Variants in ALPK2 observed in about 807,000 individuals in gnomAD.
ALPK2 encodes the protein alpha kinase 2, also known as alpha-protein kinase 2.
ALPK2 carries 127 observed loss-of-function variants against 163.1 expected under a neutral mutation model. The ratio of observed to expected loss-of-function variants is 0.78; its 90% CI spans 0.67 to 0.90. ALPK2 has a LOEUF of 0.90. Among genes scored for constraint, ALPK2 ranks in the 40% least tolerant of loss-of-function variants. The pLI, the probability that ALPK2 is intolerant of heterozygous loss-of-function variation, is 0.00. For missense variants in ALPK2, 2,360 were observed against 2,589.6 expected (o/e 0.91, Z 1.92); for synonymous variants, 953 against 959.1 (o/e 0.99, Z 0.12).
rs34304827 is a variant in ALPK2 at position 58,517,172 on chromosome 18, C to A, written c.5676G>T (p.Glu1892Asp). The A allele has an allele frequency of 3.4e-4, 541 of 1,613,896 alleles. 3 individuals are homozygous for A. In the African/African-American group the frequency reaches 6.5e-3, roughly 19 times the overall value. The stretch of plus-strand genomic sequence containing the variant: ...TGAAGATGAGTTGGCTGAATTCAAT[C>A]TCTTCACATCCTGAAACACAGCACA... ...SSRQDTKGCE[E>D]IEFSQLIFKE... Residue 1892 changes from glutamate (E) to aspartate (D), a missense_variant, in exon 9 of 13, where the codon GAG becomes GAT. Transcript: ENST00000361673.
intron 6 of ALPK2, among the ~76,000 whole-genome samples, 185 bp from the exon 7 acceptor site, chr18:58,524,247 AC>A (rs2051572466): frequency 6.6e-6 from 1 of 152,256 alleles, no homozygotes; most frequent in South Asian, 2.1e-4. Context: ...GAGAGTCATT[AC>A]ATTTTGGCTA....
At chr18:58,588,564 C>T (rs958053156) in intron 3 of ALPK2, among the ~76,000 whole-genome samples, 1 of 152,142 alleles carries the variant, frequency 6.6e-6, no homozygotes, top group Non-Finnish European at 1.5e-5. Context: ...TAATGTTCTA[C>T]CCCTTACACT....
chr18:58,594,742 G>A (rs556084676), intron 3 of ALPK2, among the ~76,000 whole-genome samples: 1 of 152,260 alleles, frequency 6.6e-6, no homozygotes, highest in Admixed American at 6.5e-5. Flanking sequence ...CCTGGAGTCC[G>A]TCTTTCACTC....
Position 58,540,090 on chromosome 18 carries a change from C to G in ALPK2, c.1963-1866G>C, listed in dbSNP as rs549491356. Among the ~76,000 whole-genome samples, 12 of 152,326 alleles carry G rather than the reference C, an allele frequency of 7.9e-5. No individual in the cohort carries two copies. In the East Asian group the frequency reaches 2.3e-3, roughly 29 times the overall value. ...TGTTTTAGATAATGGGGATACAAGA[C>G]AGGCAAATGCTCATCTACAAGGAGC... On this transcript the variant is annotated intron_variant, in intron 4 of 12. Transcript: ENST00000361673.
At chr18:58,521,684 G>C (rs964088706) in intron 8 of ALPK2, among the ~76,000 whole-genome samples, 1 of 132,430 alleles carries the variant, frequency 7.6e-6, no homozygotes, top group African/African-American at 2.7e-5. Flanking sequence ...CTGGGGGGCA[G>C]TGGCGTGATC....
chr18:58,624,814 T>C (rs1388362824), intron 1 of ALPK2, among the ~76,000 whole-genome samples: 1 of 152,242 alleles, frequency 6.6e-6, no homozygotes, highest in African/African-American at 2.4e-5. Context: ...CCACAGTGCC[T>C]GAAATTCCTA....
intron 12 of ALPK2, among the ~76,000 whole-genome samples, chr18:58,486,592 ATCTCTT>A (rs1191102751): frequency 6.6e-6 from 1 of 152,120 alleles, no homozygotes; most frequent in Non-Finnish European, 1.5e-5. Flanking sequence ...ATTTCTGAAC[ATCTCTT>A]TCTCTAATTT....
At chr18:58,570,062 G>A (rs1215493652) in intron 4 of ALPK2, among the ~76,000 whole-genome samples, 2 of 151,332 alleles carry the variant, frequency 1.3e-5, no homozygotes, top group African/African-American at 4.9e-5. Context: ...CCCAGGAGGC[G>A]GAGGTTGCAG....
At chr18:58,620,009 G>C (rs1005208805) in intron 1 of ALPK2, among the ~76,000 whole-genome samples, 1 of 152,208 alleles carries the variant, frequency 6.6e-6, no homozygotes, top group Non-Finnish European at 1.5e-5. Flanking sequence ...CTATGGATAC[G>C]GTGGGGCGCG....
chr18:58,594,166 G>A (rs1001697221), intron 3 of ALPK2, among the ~76,000 whole-genome samples: 1 of 152,098 alleles, frequency 6.6e-6, no homozygotes, highest in South Asian at 2.1e-4. Flanking sequence ...CATGGGGAGC[G>A]GTTTCCTGGC....
rs76266246 is a variant in ALPK2, at chr18:58,536,398, G to C, written c.3789C>G (p.Asp1263Glu). The C allele has an allele frequency of 7.2e-4, 1,168 of 1,614,178 alleles. 3 individuals carry two copies. The highest frequency in any genetic ancestry group is 3.8e-4 in the Non-Finnish European group (452 of 1,180,012). The stretch of plus-strand genomic sequence containing the variant: ...CCTTGTCAGGAATTATGAGACCACC[G>C]TCTGATGCCTTGCTCTCAGAATTTG... ...QLTNSESKAS[D>E]GGLIIPDKVW... Residue 1263 changes from aspartate to glutamate, a missense_variant, in exon 5 of 13, where the codon GAC becomes GAG. Coordinates refer to ENST00000361673, the MANE Select transcript of ALPK2 (RefSeq NM_052947.4).
intron 1 of ALPK2, among the ~76,000 whole-genome samples, chr18:58,620,369 T>C (rs927857427): frequency 1.3e-5 from 2 of 152,146 alleles, no homozygotes; most frequent in Admixed American, 1.3e-4. Flanking sequence ...CTCAGTATGC[T>C]CAGTGAAAGA....
chr18:58,550,663 A>ATATATGACTCTATCCCCATC (rs2051753037), intron 4 of ALPK2, among the ~76,000 whole-genome samples: 1 of 151,326 alleles, frequency 6.6e-6, no homozygotes. Flanking sequence ...CGTCTCCATC[A>ATATATGACTCTATCCCCATC]TGTACAACCC....
intron 1 of ALPK2, among the ~76,000 whole-genome samples, chr18:58,614,855 T>C (rs2144235749): frequency 6.6e-6 from 1 of 152,320 alleles, no homozygotes; most frequent in Admixed American, 6.5e-5. Context: ...AGCATTCTCA[T>C]TACTCTAGAG....
intron 10 of ALPK2, among the ~76,000 whole-genome samples, chr18:58,510,386 A>G (rs1261165256): frequency 2.0e-5 from 3 of 152,218 alleles, no homozygotes; most frequent in East Asian, 1.9e-4. Flanking sequence ...TTGGTTCCGT[A>G]TGAACTTTAA....
Position 58,535,590 on chromosome 18 carries a change from C to G in ALPK2, c.4597G>C (p.Glu1533Gln). The G allele has an allele frequency of 6.2e-7, 1 of 1,614,192 alleles. No individual in the cohort carries two copies. The change falls in exon 5 of 13, where the codon GAA becomes CAA. Residue 1533 changes from glutamate (E) to glutamine (Q), a missense_variant. Transcript: ENST00000361673. ...AGAGGTGAAGTGGGGGAAATCAATT[C>G]TGCTTTGTCCTTTTTGCTTTGCTCA... ...EAEQSKKDKA[E>Q]LISPTSPLSS...
chr18:58,526,017 G>C (rs569882021), intron 6 of ALPK2, among the ~76,000 whole-genome samples: 1 of 147,448 alleles, frequency 6.8e-6, no homozygotes, highest in East Asian at 2.0e-4. Flanking sequence ...GGGTCTTCTA[G>C]TCTGGGAGGA....
Position 58,498,049 on chromosome 18 carries a change from C to A in ALPK2, c.6296G>T (p.Gly2099Val). The A allele has an allele frequency of 6.2e-7, 1 of 1,613,986 alleles. No individual in the cohort carries two copies. The highest frequency in any genetic ancestry group is 8.5e-7 in the Non-Finnish European group (1 of 1,179,926). ...GCACACTCCATTTTTTCCTACTCAC[C>A]CTTTAGCCAGCGTTGCTATGCCAAC... is the stretch of plus-strand genomic sequence containing the variant. ...TDVGIATLAK[G>V]YKGFKGNCSM... The change falls in exon 12 of 13, where the codon GGG (glycine) becomes GTG (valine). Residue 2099 changes from glycine to valine, a missense_variant and splice_region_variant. Gly to Val is a moderately radical substitution (Grantham distance 109). Transcript: ENST00000361673.
rs769272540 is a variant in ALPK2, at chr18:58,536,332, C to T, written c.3855G>A (p.Val1285=). Residue 1285 remains valine (V), a synonymous_variant, in exon 5 of 13, where the codon GTG becomes GTA. Coordinates refer to ENST00000361673, the MANE Select transcript of ALPK2 (RefSeq NM_052947.4). Reference sequence around the variant, plus strand: ...CTATTTCAGAGGGGGCCAATTCAGGCACAACAGCATCTGCCTTTAGACTAT... The same window carrying T: ...CTATTTCAGAGGGGGCCAATTCAGGTACAACAGCATCTGCCTTTAGACTAT... ...VPDSLKADAV[V]PELAPSEIAA... 3 of 1,614,236 alleles carry T rather than the reference C, an allele frequency of 1.9e-6. No homozygotes were observed. The highest frequency in any genetic ancestry group is 2.5e-6 in the Non-Finnish European group (3 of 1,180,040).
Sources: gnomAD v4.1 joint callset for allele counts (sites outside exome capture counted in the v4.1 genomes callset) on GRCh38, gnomAD v4.1.1 for gene constraint, MANE v1.5 for transcripts, NCBI Gene and HGNC (gene_info 2026-07-23, HGNC 2026-07-21) for gene names.